ALS2CL: variants seen among roughly 807,000 people sequenced by gnomAD.
The protein encoded by ALS2CL is ALS2 C-terminal-like protein.
Under a neutral mutation model 127.9 loss-of-function variants are expected in ALS2CL, and 112 were observed. That is an observed-to-expected ratio of 0.88 (90% confidence interval 0.75 to 1.02). ALS2CL has a LOEUF of 1.02. ALS2CL is among the 50% of genes least tolerant of loss of function. ALS2CL has a pLI of 0.00. For missense variants in ALS2CL, 1,174 were observed against 1,236.7 expected (o/e 0.95, Z 0.76); for synonymous variants, 519 against 527.6 (o/e 0.98, Z 0.22).
At chr3:46,687,760 C>G in intron 3 of ALS2CL, 76 bp from the exon 4 acceptor site, 1 of 1,441,630 alleles carries the variant, frequency 6.9e-7, no homozygotes, top group South Asian at 1.3e-5. Context: ...CTGGGATCCC[C>G]AGATCCCACC....
Position 46,676,960 on chromosome 3 carries a change from C to A in ALS2CL, c.1820G>T (p.Arg607Leu), listed in dbSNP as rs200941139. ...GGGGCAGCCAGCACACACAAAGTCC[C>A]GGAAGGGGCTGTAGACTCCCTGCCA... The part of the protein sequence containing the change: ...SRWQGVYSPF[R>L]DFVCAGCPRD... Residue 607 changes from arginine to leucine, a missense_variant, in exon 17 of 26, where the codon CGG (arginine) becomes CTG (leucine). Transcript: ENST00000318962. 2 of 1,613,386 alleles carry A rather than the reference C, an allele frequency of 1.2e-6. No homozygotes were observed. The highest frequency in any genetic ancestry group is 1.3e-5 in the African/African-American group (1 of 74,924).
At chr3:46,683,647 T>G (rs1699537137) in intron 9 of ALS2CL, 135 bp downstream of exon 9, 1 of 1,138,550 alleles carries the variant, frequency 8.8e-7, no homozygotes, top group Non-Finnish European at 1.3e-6. Context: ...CCCGATTTAC[T>G]CTGACCAGGT....
At chr3:46,683,730 C>A in intron 9 of ALS2CL, 52 bp downstream of exon 9, 1 of 1,596,190 alleles carries the variant, frequency 6.3e-7, no homozygotes, top group South Asian at 1.1e-5. Flanking sequence ...TGCCCTCTTC[C>A]TACCCTGTCC....
Position 46,676,909 on chromosome 3 carries a change from C to A in ALS2CL, c.1871G>T (p.Gly624Val). The change falls in exon 17 of 26, where the codon GGC (glycine) becomes GTC (valine). Residue 624 changes from glycine (G) to valine (V), a missense_variant. Transcript: ENST00000318962. Reference protein sequence around the residue: ...CPRDLQEALLGFDVQSSRELR... With the variant: ...CPRDLQEALLVFDVQSSRELR... ...CTCCCTGGAGCTCTGCACGTCGAAG[C>A]CCAGCAGGGCCTCCTGCAGGTCCCT... 6.2e-7 allele frequency: 1 copy of A among 1,613,734 alleles called. No homozygotes were observed. Among genetic ancestry groups the A allele is most frequent in the South Asian group, 1.1e-5 (1 of 91,082 alleles).
At chr3:46,678,226 A>C in intron 16 of ALS2CL, 33 bp downstream of exon 16, 1 of 1,528,004 alleles carries the variant, frequency 6.5e-7, no homozygotes, top group South Asian at 1.3e-5. Context: ...ACATCCCCAG[A>C]TAGGCCCAGA....
At chr3:46,685,406 G>T in intron 7 of ALS2CL, 119 bp downstream of exon 7, 1 of 1,493,658 alleles carries the variant, frequency 6.7e-7, no homozygotes, top group Non-Finnish European at 9.1e-7. Context: ...TTCTATCCCT[G>T]ACCATCCCTC....
At chr3:46,671,625 G>T in intron 24 of ALS2CL, 41 bp from the exon 25 acceptor site, 1 of 1,613,290 alleles carries the variant, frequency 6.2e-7, no homozygotes, top group East Asian at 2.2e-5. Context: ...GGGAGACAAG[G>T]AGAAGAGGCC....
At chr3:46,687,735 C>T (rs947375729) in intron 3 of ALS2CL, 51 bp from the exon 4 acceptor site, 8 of 1,564,050 alleles carry the variant, frequency 5.1e-6, no homozygotes, top group Non-Finnish European at 6.9e-6. Context: ...AGCCCCAGAC[C>T]TAAGCCCCTG....
At chr3:46,672,985 GAT>G (rs1350701694) in intron 22 of ALS2CL, among the ~76,000 whole-genome samples, 1 of 152,120 alleles carries the variant, frequency 6.6e-6, no homozygotes, top group African/African-American at 2.4e-5. Flanking sequence ...TAACCCGGGC[GAT>G]AAAGTGAGAC....
At chr3:46,692,526 C>T (rs764992657) in intron 1 of ALS2CL, among the ~76,000 whole-genome samples, 1 of 152,208 alleles carries the variant, frequency 6.6e-6, no homozygotes, top group Non-Finnish European at 1.5e-5. Flanking sequence ...TTGTGTAGAA[C>T]TTGTGCAGGG....
At chr3:46,679,482 G>C (rs1364759753) in intron 14 of ALS2CL, 195 bp from the exon 15 acceptor site, 4 of 415,540 alleles carry the variant, frequency 9.6e-6, no homozygotes, top group Non-Finnish European at 1.7e-5. Flanking sequence ...CAGCCCCGAG[G>C]ACCCCATCCC....
chr3:46,673,468 T>A, intron 21 of ALS2CL, 87 bp from the exon 22 acceptor site: 1 of 1,377,134 alleles, frequency 7.3e-7, no homozygotes, highest in South Asian at 1.3e-5. Flanking sequence ...TGCCACTGTT[T>A]CCCCCGGCAG....
intron 20 of ALS2CL, chr3:46,675,405 A>C: frequency 8.8e-6 from 5 of 566,754 alleles, no homozygotes; most frequent in Non-Finnish European, 1.3e-5. Context: ...AGATGCATTC[A>C]ATGCATTGTA....
intron 13 of ALS2CL, chr3:46,680,836 C>T (rs998226475): frequency 5.5e-5 from 29 of 524,256 alleles, no homozygotes; most frequent in Non-Finnish European, 8.0e-5. Context: ...GTGATGGATA[C>T]GTGGGGACTT....
chr3:46,691,242 C>A (rs1241757533), intron 1 of ALS2CL, among the ~76,000 whole-genome samples: 1 of 152,152 alleles, frequency 6.6e-6, no homozygotes, highest in Non-Finnish European at 1.5e-5. Context: ...TGGGGGTGAC[C>A]TTTTCACTCT....
In ALS2CL at chr3:46,687,790, T is replaced by C. The variant is rs1331426088; in HGVS notation, c.303-106A>G. On this transcript the variant is annotated intron_variant, in intron 3 of 25. Transcript: ENST00000318962. ...CCCACCCACTAGTCAGCTGCAGCCC[T>C]GAGGGCCCACACAGTGGCCTGGCTC... 4 of 1,227,170 alleles carry C rather than the reference T, an allele frequency of 3.3e-6. No homozygotes were observed. In the East Asian group the frequency reaches 7.5e-5, roughly 23 times the overall value. 76.0% of individuals were successfully genotyped at this position (1,227,170 alleles called of 1,614,324 possible).
chr3:46,671,023 G>A lies in ALS2CL; in HGVS notation c.2823C>T (p.His941=). The change falls in exon 26 of 26, where the codon CAC becomes CAT. Residue 941 remains histidine (H), a synonymous_variant. Transcript: ENST00000318962. Reference sequence around the variant, plus strand: ...TGGAGTGCCAGTGGCCAGGTAAGCGGTGCAGCCTCATGTCTTCTTTCTGGA... The same window carrying A: ...TGGAGTGCCAGTGGCCAGGTAAGCGATGCAGCCTCATGTCTTCTTTCTGGA... ...EHIQKEDMRL[H]RLPGHWHSRE... is the part of the protein sequence containing the mutation. 8 of 1,614,184 alleles carry A rather than the reference G, an allele frequency of 5.0e-6. No individual in the cohort carries two copies. The highest frequency in any genetic ancestry group is 6.8e-6 in the Non-Finnish European group (8 of 1,180,022).
chr3:46,681,606 C>T lies in ALS2CL; in HGVS notation c.1176-8G>A. 1 of 1,613,924 alleles carries T rather than the reference C, an allele frequency of 6.2e-7. No individual in the cohort carries two copies. The highest frequency in any genetic ancestry group is 1.1e-5 in the South Asian group (1 of 91,076). On this transcript the variant is annotated splice_region_variant and splice_polypyrimidine_tract_variant and intron_variant, in intron 11 of 25. Coordinates refer to ENST00000318962, the MANE Select transcript of ALS2CL (RefSeq NM_147129.5). The surrounding 1 kb of genome is among the most constrained non-coding windows in gnomAD (Gnocchi z 4.9). Reference sequence around the variant, plus strand: ...AGCAGGCGGATGCCGAAGCTGACAGCATGGTTGTGGGGGTGGGGATCAGCC... The same window carrying T: ...AGCAGGCGGATGCCGAAGCTGACAGTATGGTTGTGGGGGTGGGGATCAGCC...
chr3:46,689,366 G>C lies in ALS2CL; in HGVS notation c.75C>G (p.Ser25Arg), dbSNP rs762665182. The change falls in exon 2 of 26, where the codon AGC becomes AGG. Residue 25 changes from serine to arginine, a missense_variant. Ser to Arg is a moderately radical substitution (Grantham distance 110). Transcript: ENST00000318962. ...VFSATLAHVN[S>R]LVLQPLLPAA... ...CTGGGAGCAGGGGCTGGAGGACAAG[G>C]CTGTTGACATGGGCGAGGGTGGCTG... 6.2e-7 allele frequency: 1 copy of C among 1,612,850 alleles called. No homozygotes were observed. The highest frequency in any genetic ancestry group is 2.2e-5 in the East Asian group (1 of 44,874).
Sources: gnomAD v4.1 joint callset for allele counts (sites outside exome capture counted in the v4.1 genomes callset) on GRCh38, gnomAD v4.1.1 for gene constraint, Gnocchi (gnomAD v3.1) non-coding constraint, MANE v1.5 for transcripts, NCBI Gene and HGNC (gene_info 2026-07-23, HGNC 2026-07-21) for gene names.